Variants in UBR3 observed in about 807,000 individuals in gnomAD.
UBR3 encodes the protein ubiquitin protein ligase E3 component n-recognin 3.
Under a neutral mutation model 243.2 loss-of-function variants are expected in UBR3, and 85 were observed. The ratio of observed to expected loss-of-function variants is 0.35; its 90% CI spans 0.29 to 0.42. UBR3 has a LOEUF of 0.42. Among genes scored for constraint, UBR3 ranks in the 10% least tolerant of loss-of-function variants. The pLI, the probability that UBR3 is intolerant of heterozygous loss-of-function variation, is 1.00. For missense variants in UBR3, 1,686 were observed against 2,300.8 expected (o/e 0.73, Z 5.47); for synonymous variants, 748 against 799.8 (o/e 0.94, Z 1.09).
intron 24 of UBR3, among the ~76,000 whole-genome samples, chr2:169,986,231 A>G (rs2105387920): frequency 6.6e-6 from 1 of 152,330 alleles, no homozygotes; most frequent in South Asian, 2.1e-4. Flanking sequence ...AGTAAATACT[A>G]CCATATTTTC....
intron 1 of UBR3, among the ~76,000 whole-genome samples, chr2:169,840,273 T>G (rs921323143): frequency 6.6e-6 from 1 of 152,150 alleles, no homozygotes; most frequent in African/African-American, 2.4e-5. Context: ...TGAGCTGTCT[T>G]ATCTGTGTTT....
At chr2:169,849,502 C>T (rs146773417) in intron 1 of UBR3, among the ~76,000 whole-genome samples, 51 of 152,132 alleles carry the variant, frequency 3.4e-4, no homozygotes, top group Non-Finnish European at 6.9e-4. Flanking sequence ...ACCATGTTGG[C>T]CAGGCTGGTC....
intron 11 of UBR3, among the ~76,000 whole-genome samples, chr2:169,923,401 T>G (rs2085781551): frequency 6.6e-6 from 1 of 152,194 alleles, no homozygotes; most frequent in Admixed American, 6.5e-5. Context: ...AAGTTTGAAT[T>G]TTGCTACTTG....
intron 10 of UBR3, among the ~76,000 whole-genome samples, chr2:169,913,360 G>GTTTTTTTTTTTTTTTT (rs66463048): frequency 1.4e-5 from 2 of 141,204 alleles, no homozygotes; most frequent in Non-Finnish European, 1.5e-5. Context: ...TTTGTTTTTT[G>GTTTTTTTTTTTTTTTT]TTTTTTTTTT....
At chr2:169,922,294 A>G (rs1046077992) in intron 11 of UBR3, among the ~76,000 whole-genome samples, 11 of 151,928 alleles carry the variant, frequency 7.2e-5, no homozygotes, top group African/African-American at 1.9e-4. Context: ...TATTTAAAAA[A>G]AAAAAAAAAA....
rs181260233 is a variant in UBR3, at chr2:169,866,137, C to G, written c.546-6099C>G. ...CTGCACTCCAGCCTGGGCAACAGAG[C>G]GAGACTGTGTCTCAAAAAAAAAAAA... On this transcript the variant is annotated intron_variant, in intron 1 of 38. Coordinates refer to ENST00000272793, the MANE Select transcript of UBR3 (RefSeq NM_172070.4). 3.2e-3 allele frequency among the ~76,000 whole-genome samples: 324 copies of G among 102,594 alleles called. 3 individuals are homozygous for G. Among genetic ancestry groups the G allele is most frequent in the Non-Finnish European group, 4.5e-3 (263 of 57,864 alleles). 67.3% of individuals were successfully genotyped at this position (102,594 alleles called of 152,430 possible). A position where few individuals can be genotyped will look rare whatever the true frequency, so the allele number is the denominator to read the frequency against.
Position 169,950,159 on chromosome 2 carries a change from T to C in UBR3, c.3545+94T>C. The C allele has an allele frequency of 3.4e-6, 4 of 1,163,184 alleles. No individual in the cohort carries two copies. In the South Asian group the frequency reaches 4.9e-5, roughly 14 times the overall value. The allele number at this position is 1,163,184 out of a possible 1,614,324, so 72.1% of individuals were successfully genotyped here. A position where few individuals can be genotyped will look rare whatever the true frequency, so the allele number is the denominator to read the frequency against. On this transcript the variant is annotated intron_variant, in intron 23 of 38. Coordinates refer to ENST00000272793, the MANE Select transcript of UBR3 (RefSeq NM_172070.4). ...ATTTGAGGATAATCACCTGGATGTT[T>C]AACAGGAACAGTCATAGCTGATTAG...
chr2:169,964,779 G>A (rs17556553), intron 24 of UBR3: 28,668 of 440,064 alleles, frequency 0.065, 1,094 homozygotes, highest in Non-Finnish European at 0.084. Context: ...TAAGTGCAAA[G>A]TTATTGACTC....
At chr2:170,044,307 A>G (rs1559213353) in intron 32 of UBR3, among the ~76,000 whole-genome samples, 1 of 152,236 alleles carries the variant, frequency 6.6e-6, no homozygotes, top group Non-Finnish European at 1.5e-5. Flanking sequence ...AATGCTTCCC[A>G]TGGTTTTATC....
At chr2:170,053,266 T>C (rs950275872) in intron 32 of UBR3, among the ~76,000 whole-genome samples, 3 of 152,232 alleles carry the variant, frequency 2.0e-5, no homozygotes, top group Non-Finnish European at 4.4e-5. Flanking sequence ...CGAATGTACC[T>C]GCTTTCCTCT....
In UBR3 at chr2:170,035,295, G is replaced by A. The variant is rs554494389; in HGVS notation, c.4557-5587G>A. On this transcript the variant is annotated intron_variant, in intron 31 of 38. Coordinates refer to ENST00000272793, the MANE Select transcript of UBR3 (RefSeq NM_172070.4). ...TCTCCTATAAGAATTTTATTGTTTT[G>A]TGTTTTACATTTAGGTCTGTAATCC... 3.3e-5 allele frequency among the ~76,000 whole-genome samples: 5 copies of A among 151,946 alleles called. No homozygotes were observed. The East Asian group carries it at 9.7e-4, about 29-fold the overall frequency.
chr2:170,058,166 A>G (rs1338567355), intron 33 of UBR3, among the ~76,000 whole-genome samples: 1 of 151,918 alleles, frequency 6.6e-6, no homozygotes. Flanking sequence ...TTCCTTCTTT[A>G]CGTCTTCTCT....
At chr2:170,058,083 G>A (rs1303451912) in intron 33 of UBR3, among the ~76,000 whole-genome samples, 1 of 152,156 alleles carries the variant, frequency 6.6e-6, no homozygotes, top group Non-Finnish European at 1.5e-5. Flanking sequence ...ATATTTATGA[G>A]TGATGAAATA....
At chr2:169,839,001 A>C (rs544927667) in intron 1 of UBR3, among the ~76,000 whole-genome samples, 1 of 152,378 alleles carries the variant, frequency 6.6e-6, no homozygotes, top group East Asian at 1.9e-4. Context: ...CATGTGATCC[A>C]GTAATTCCAC....
intron 1 of UBR3, among the ~76,000 whole-genome samples, chr2:169,851,759 A>G (rs994504991): frequency 2.0e-5 from 3 of 150,884 alleles, no homozygotes; most frequent in Non-Finnish European, 4.4e-5. Flanking sequence ...AATCACTTGA[A>G]CCAGGGAGGC....
chr2:170,037,334 G>A (rs1047030190), intron 31 of UBR3, among the ~76,000 whole-genome samples: 2 of 151,878 alleles, frequency 1.3e-5, no homozygotes, highest in African/African-American at 4.8e-5. Context: ...TTTCTTTGCT[G>A]TTCTCACTTA....
In UBR3 at chr2:169,852,850, C is replaced by CAAAA. The variant is rs869283640; in HGVS notation, c.546-19361_546-19358dup. 2.5e-3 allele frequency among the ~76,000 whole-genome samples: 121 copies of CAAAA among 48,290 alleles called. 5 individuals are homozygous for CAAAA. Among genetic ancestry groups the CAAAA allele is most frequent in the African/African-American group, 5.0e-3 (52 of 10,486 alleles). The allele number at this position is 48,290 out of a possible 152,430, so 31.7% of individuals were successfully genotyped here. Reference sequence around the variant, plus strand: ...TGGGTGAAAGAGTGAGACTTCATCTCAAAAAAAAAAAAAAAAAAAAAAAAA... The same window carrying CAAAA: ...TGGGTGAAAGAGTGAGACTTCATCTCAAAAAAAAAAAAAAAAAAAAAAAAAAAAA... On this transcript the variant is annotated intron_variant, in intron 1 of 38. Coordinates refer to ENST00000272793, the MANE Select transcript of UBR3 (RefSeq NM_172070.4).
At chr2:170,004,731 C>A (rs552049655) in intron 27 of UBR3, among the ~76,000 whole-genome samples, 1 of 151,232 alleles carries the variant, frequency 6.6e-6, no homozygotes, top group Non-Finnish European at 1.5e-5. Context: ...GCCAACATGG[C>A]GAAACCCCAT....
At chr2:169,965,997 ATTAGGTAGTTT>A (rs2087790119) in intron 24 of UBR3, among the ~76,000 whole-genome samples, 1 of 152,192 alleles carries the variant, frequency 6.6e-6, no homozygotes, top group African/African-American at 2.4e-5. Flanking sequence ...ATAGTACATT[ATTAGGTAGTTT>A]AAGTATGAAA....
Sources: gnomAD v4.1 joint callset for allele counts (sites outside exome capture counted in the v4.1 genomes callset) on GRCh38, gnomAD v4.1.1 for gene constraint, MANE v1.5 for transcripts, NCBI Gene and HGNC (gene_info 2026-07-23, HGNC 2026-07-21) for gene names.